Variants in PTPN4 observed in about 807,000 individuals in gnomAD.
PTPN4 encodes protein tyrosine phosphatase non-receptor type 4, also known as tyrosine-protein phosphatase non-receptor type 4.
A neutral mutation model predicts 135.5 loss-of-function variants in PTPN4; 49 were observed. The ratio of observed to expected loss-of-function variants is 0.36; its 90% CI spans 0.29 to 0.46. PTPN4 has a LOEUF of 0.46. PTPN4 is among the 20% of genes least tolerant of loss of function. The probability of loss-of-function intolerance (pLI) is 1.00; values close to 1 mark genes in which losing one functional copy is unlikely to be tolerated. For synonymous variants in PTPN4, 333 were observed against 369.9 expected (o/e 0.90, Z 1.14); for missense variants, 860 against 1,101.0 (o/e 0.78, Z 3.10).
chr2:119,895,380 A>C (rs1351177639), intron 9 of PTPN4, among the ~76,000 whole-genome samples: 15 of 152,172 alleles, frequency 9.9e-5, no homozygotes, highest in Non-Finnish European at 8.8e-5. Context: ...GTAGTCTCCA[A>C]AGAAAGGAGG....
At chr2:119,791,188 G>T (rs1252882767) in intron 1 of PTPN4, 6 of 147,752 alleles carry the variant, frequency 4.1e-5, no homozygotes, top group Non-Finnish European at 7.4e-5. Flanking sequence ...GGAGTGCAGT[G>T]GCACAATCTC....
At chr2:119,843,218 CTTTTT>C (rs779045976) in intron 2 of PTPN4, among the ~76,000 whole-genome samples, 29 of 107,296 alleles carry the variant, frequency 2.7e-4, no homozygotes, top group African/African-American at 9.1e-4. Flanking sequence ...ATGCATTTTT[CTTTTT>C]TTTTTTTTTT....
At chr2:119,919,139 A>G (rs1400745344) in intron 11 of PTPN4, among the ~76,000 whole-genome samples, 1 of 152,196 alleles carries the variant, frequency 6.6e-6, no homozygotes, top group East Asian at 1.9e-4. Flanking sequence ...GAACTGGGTA[A>G]AGGTTACATG....
At position 119,920,306 on chromosome 2, in the gene PTPN4, T is replaced by A. The variant is rs145792264; in HGVS notation, c.1001+65T>A. Reference sequence around the variant, plus strand: ...TTGTTTCCTTTCTTTAAAATAAAGATGTAGTTTATGGAACCATACAACCTT... The same window carrying A: ...TTGTTTCCTTTCTTTAAAATAAAGAAGTAGTTTATGGAACCATACAACCTT... On this transcript the variant is annotated intron_variant, in intron 12 of 26. Transcript: ENST00000263708. The A allele has an allele frequency of 2.7e-6, 4 of 1,472,696 alleles. No individual in the cohort carries two copies. The East Asian group carries it at 9.1e-5, about 34-fold the overall frequency. 91.2% of individuals were successfully genotyped at this position (1,472,696 alleles called of 1,614,324 possible).
At chr2:119,975,463 C>A (rs1679601177) in intron 26 of PTPN4, among the ~76,000 whole-genome samples, 2 of 152,184 alleles carry the variant, frequency 1.3e-5, no homozygotes, top group South Asian at 2.1e-4. Context: ...GTGGCTCACG[C>A]CTGTAATCTC....
intron 1 of PTPN4, among the ~76,000 whole-genome samples, chr2:119,799,168 C>T (rs1691318128): frequency 6.6e-6 from 1 of 152,116 alleles, no homozygotes; most frequent in African/African-American, 2.4e-5. Flanking sequence ...CTTAATGTTC[C>T]TCTATTGGTC....
intron 13 of PTPN4, among the ~76,000 whole-genome samples, chr2:119,927,908 C>T (rs1297476519): frequency 6.6e-6 from 1 of 152,066 alleles, no homozygotes; most frequent in Non-Finnish European, 1.5e-5. Flanking sequence ...TTTTCTTCCT[C>T]CTTCCAAAAG....
chr2:119,811,575 T>C (rs1431034624), intron 2 of PTPN4, among the ~76,000 whole-genome samples: 1 of 152,184 alleles, frequency 6.6e-6, no homozygotes, highest in Non-Finnish European at 1.5e-5. Flanking sequence ...ATAGAAACTC[T>C]CATGTATTAG....
At chr2:119,779,317 A>G (rs1435801884) in intron 1 of PTPN4, among the ~76,000 whole-genome samples, 1 of 152,224 alleles carries the variant, frequency 6.6e-6, no homozygotes, top group Non-Finnish European at 1.5e-5. Flanking sequence ...TCCATTTCAA[A>G]TAAGTGTAAA....
intron 20 of PTPN4, among the ~76,000 whole-genome samples, chr2:119,955,827 C>T (rs1679272874): frequency 1.3e-5 from 2 of 152,074 alleles, no homozygotes. Context: ...GTCCCAGCTA[C>T]TCAGGAGGCT....
intron 2 of PTPN4, among the ~76,000 whole-genome samples, chr2:119,839,781 C>T (rs1465505790): frequency 6.6e-6 from 1 of 152,098 alleles, no homozygotes; most frequent in Non-Finnish European, 1.5e-5. Flanking sequence ...CTATATGTTG[C>T]AAATATATAT....
chr2:119,970,953 G>C (rs755185687), intron 26 of PTPN4, among the ~76,000 whole-genome samples: 1 of 152,156 alleles, frequency 6.6e-6, no homozygotes, highest in African/African-American at 2.4e-5. Context: ...TCATCAACAC[G>C]TGTTACTGTC....
intron 25 of PTPN4, among the ~76,000 whole-genome samples, chr2:119,966,581 C>T (rs1679449394): frequency 6.6e-6 from 1 of 152,158 alleles, no homozygotes; most frequent in African/African-American, 2.4e-5. Flanking sequence ...AATATTATCA[C>T]ATTGGTGATT....
intron 2 of PTPN4, among the ~76,000 whole-genome samples, chr2:119,828,921 T>C (rs946542483): frequency 3.3e-5 from 5 of 152,226 alleles, no homozygotes; most frequent in Admixed American, 2.6e-4. Flanking sequence ...ACCACCATAG[T>C]ATATGCAGTT....
chr2:119,870,693 T>A (rs1677897720), intron 3 of PTPN4, among the ~76,000 whole-genome samples: 1 of 152,212 alleles, frequency 6.6e-6, no homozygotes, highest in Non-Finnish European at 1.5e-5. Flanking sequence ...TAGTTTATTA[T>A]AATGATGGTA....
intron 2 of PTPN4, among the ~76,000 whole-genome samples, chr2:119,848,890 C>T (rs2928633): frequency 0.038 from 5,793 of 152,312 alleles, 372 homozygotes; most frequent in African/African-American, 0.13. Context: ...TGAGCCACCA[C>T]ACCTGGCCTC....
At chr2:119,763,232 T>C (rs1313709191) in intron 1 of PTPN4, among the ~76,000 whole-genome samples, 2 of 152,180 alleles carry the variant, frequency 1.3e-5, no homozygotes, top group East Asian at 1.9e-4. Flanking sequence ...GTAGAAACTT[T>C]GGAAGAGAGA....
intron 2 of PTPN4, among the ~76,000 whole-genome samples, chr2:119,814,276 C>T (rs1676954979): frequency 6.6e-6 from 1 of 152,094 alleles, no homozygotes; most frequent in African/African-American, 2.4e-5. Context: ...TCTGTCTGTA[C>T]AATACAGGCA....
intron 1 of PTPN4, among the ~76,000 whole-genome samples, chr2:119,777,900 C>G (rs894796632): frequency 5.9e-5 from 9 of 152,034 alleles, no homozygotes; most frequent in Non-Finnish European, 1.0e-4. Context: ...AAAGGATGCT[C>G]TGGTCTCAGC....
Sources: gnomAD v4.1 joint callset for allele counts (sites outside exome capture counted in the v4.1 genomes callset) on GRCh38, gnomAD v4.1.1 for gene constraint, MANE v1.5 for transcripts, NCBI Gene and HGNC (gene_info 2026-07-23, HGNC 2026-07-21) for gene names.